Variants in OR4D2 observed in about 807,000 individuals in gnomAD.
OR4D2 encodes the protein olfactory receptor 4D2.
A neutral mutation model predicts 12.4 loss-of-function variants in OR4D2; 9 were observed. The observed-to-expected ratio is 0.73, with a 90% CI of 0.44 to 1.27. OR4D2 has a LOEUF of 1.27. OR4D2 is among the 50% of genes most tolerant of loss of function. The pLI is 0.00. For synonymous variants in OR4D2, 151 were observed against 151.1 expected, an observed-to-expected ratio of 1.00 and a Z score of 0.01; for missense variants, 373 against 381.6, an observed-to-expected ratio of 0.98 and a Z score of 0.19.
chr17:58,170,318 C>T lies in OR4D2; in HGVS notation c.663C>T (p.Ile221=). Residue 221 remains isoleucine (I), a synonymous_variant, in exon 2 of 2, where the codon ATC becomes ATT. Coordinates refer to ENST00000545221, the MANE Select transcript of OR4D2 (RefSeq NM_001004707.4). The part of the protein sequence containing the change: ...FFLLLMSYLF[I]LVMLRSHPGE... ...TCCTCCTGATGTCCTACTTATTCAT[C>T]CTGGTGATGCTGAGGTCACATCCAG... 6.2e-7 allele frequency: 1 copy of T among 1,614,186 alleles called. No individual in the cohort carries two copies. Among genetic ancestry groups the T allele is most frequent in the Non-Finnish European group, 8.5e-7 (1 of 1,180,018 alleles).
At chr17:58,168,295 C>T (rs915189334) in intron 1 of OR4D2, among the ~76,000 whole-genome samples, 3 of 152,158 alleles carry the variant, frequency 2.0e-5, no homozygotes, top group Admixed American at 2.0e-4. Flanking sequence ...CAGCCTCCAA[C>T]CAGCTTCAAG....
intron 1 of OR4D2, chr17:58,169,420 A>T (rs2143678367): frequency 3.5e-6 from 2 of 564,486 alleles, no homozygotes; most frequent in East Asian, 6.0e-5. Context: ...AATCTTTGAA[A>T]GGCAGGTTGT....
chr17:58,168,080 T>C (rs1160124770), intron 1 of OR4D2, among the ~76,000 whole-genome samples: 2 of 143,964 alleles, frequency 1.4e-5, no homozygotes, highest in Admixed American at 7.0e-5. Context: ...GAATGACCTA[T>C]AATATTGTAG....
intron 1 of OR4D2, among the ~76,000 whole-genome samples, chr17:58,167,804 G>A (rs1445643945): frequency 6.6e-6 from 1 of 151,776 alleles, no homozygotes; most frequent in African/African-American, 2.4e-5. Flanking sequence ...CACGAGGTCA[G>A]GAGATCGAGA....
rs922376882 is a variant in OR4D2 at position 58,170,454 on chromosome 17, A to G, written c.799A>G (p.Met267Val). 12 of 1,614,080 alleles carry G rather than the reference A, an allele frequency of 7.4e-6. No individual in the cohort carries two copies. Among genetic ancestry groups the G allele is most frequent in the Non-Finnish European group, 9.3e-6 (11 of 1,180,000 alleles). Reference sequence around the variant, plus strand: ...TGCCCGGCCCTTCACTCCATTCCCTATGGACAAGCTTGTGTCCATCGGCCA... The same window carrying G: ...TGCCCGGCCCTTCACTCCATTCCCTGTGGACAAGCTTGTGTCCATCGGCCA... ...LYARPFTPFP[M>V]DKLVSIGHTV... Residue 267 changes from methionine to valine, a missense_variant, in exon 2 of 2, where the codon ATG becomes GTG. By Grantham distance (21) the Met-to-Val change is conservative. Transcript: ENST00000545221.
In OR4D2 at chr17:58,170,408, C is replaced by T. The variant is rs781540142; in HGVS notation, c.753C>T (p.Phe251=). 1.1e-5 allele frequency: 18 copies of T among 1,614,084 alleles called. No individual in the cohort carries two copies. Among genetic ancestry groups the T allele is most frequent in the African/African-American group, 2.7e-5 (2 of 74,918 alleles). ...ACATCATCGTGGTTTCCATGATCTT[C>T]GTTCCAAGCATTTACCTCTATGCCC... ...TTHIIVVSMI[F]VPSIYLYARP... is the part of the protein sequence containing the mutation. Residue 251 remains phenylalanine (F), a synonymous_variant, in exon 2 of 2, where the codon TTC becomes TTT. Coordinates refer to ENST00000545221, the MANE Select transcript of OR4D2 (RefSeq NM_001004707.4).
intron 1 of OR4D2, among the ~76,000 whole-genome samples, chr17:58,169,094 T>C (rs907900290): frequency 3.3e-5 from 5 of 152,224 alleles, no homozygotes; most frequent in Non-Finnish European, 7.3e-5. Context: ...TTAAATGTCA[T>C]GTGAAAAATA....
rs774380359 is a variant in OR4D2 at position 58,170,384 on chromosome 17, CA to C, written c.730del (p.Ile244SerfsTer6). ...AGGCAGCTTCCACCTGCACCACCCA[CA>C]TCATCGTGGTTTCCATGATCTTCGT... is the stretch of plus-strand genomic sequence containing the variant. ...RKAASTCTTHIIVVSMIFVPS... is the reference protein window; with the variant it reads ...RKAASTCTTHXIVVSMIFVPS... On this transcript the variant is annotated frameshift_variant, in exon 2 of 2. Transcript: ENST00000545221. LOFTEE classifies it high-confidence loss of function. The C allele has an allele frequency of 3.7e-6, 6 of 1,614,134 alleles. No homozygotes were observed. The East Asian group carries it at 1.3e-4, about 36-fold the overall frequency.
chr17:58,168,237 C>T (rs1486419164), intron 1 of OR4D2, among the ~76,000 whole-genome samples: 3 of 151,296 alleles, frequency 2.0e-5, no homozygotes, highest in African/African-American at 4.9e-5. Flanking sequence ...GACAGAGTCT[C>T]GCTCTGTCAC....
chr17:58,170,175 T>C lies in OR4D2; in HGVS notation c.520T>C (p.Leu174=), dbSNP rs1359944059. ...ACTGCCCTTCTGTGGCCCCAACATT[T>C]TGGATAACTTCTACTGTGATGTTCC... ...LPLPFCGPNI[L]DNFYCDVPQV... is the part of the protein sequence containing the mutation. Residue 174 remains leucine (L), a synonymous_variant, in exon 2 of 2, where the codon TTG becomes CTG. Transcript: ENST00000545221. 1 of 1,614,188 alleles carries C rather than the reference T, an allele frequency of 6.2e-7. No individual in the cohort carries two copies. The highest frequency in any genetic ancestry group is 1.1e-5 in the South Asian group (1 of 91,078).
rs1319011588 is a variant in OR4D2, at chr17:58,169,795, T to A, written c.140T>A (p.Ile47Asn). The stretch of plus-strand genomic sequence containing the variant: ...GTTATGGGAAACATCCTTATCATCA[T>A]CACAGTGACCTCTGATTCCCAGCTC... Reference protein sequence around the residue: ...TTVMGNILIIITVTSDSQLHT... With the variant: ...TTVMGNILIINTVTSDSQLHT... Residue 47 changes from isoleucine (I) to asparagine (N), a missense_variant, in exon 2 of 2, where the codon ATC becomes AAC. Physicochemically the swap from Ile to Asn is moderately radical, Grantham distance 149 (BLOSUM62 -3). Transcript: ENST00000545221. 3 of 1,614,188 alleles carry A rather than the reference T, an allele frequency of 1.9e-6. No homozygotes were observed. Among genetic ancestry groups the A allele is most frequent in the Non-Finnish European group, 8.5e-7 (1 of 1,180,014 alleles).
intron 1 of OR4D2, chr17:58,169,256 A>G: frequency 8.4e-6 from 2 of 239,304 alleles, no homozygotes; most frequent in East Asian, 1.2e-4. Context: ...AATTCTACAA[A>G]GCAGGTATTT....
At chr17:58,168,132 A>G (rs1237595637) in intron 1 of OR4D2, among the ~76,000 whole-genome samples, 2 of 144,470 alleles carry the variant, frequency 1.4e-5, no homozygotes, top group Non-Finnish European at 3.0e-5. Context: ...GGTAAGAGAG[A>G]TTGAGACAGG....
chr17:58,168,755 A>G (rs1967922865), intron 1 of OR4D2, among the ~76,000 whole-genome samples: 1 of 152,140 alleles, frequency 6.6e-6, no homozygotes, highest in African/African-American at 2.4e-5. Flanking sequence ...TCTCAATCCA[A>G]TGACTCTCCC....
chr17:58,170,427 T>A lies in OR4D2; in HGVS notation c.772T>A (p.Tyr258Asn), dbSNP rs1715929578. ...SMIFVPSIYL[Y>N]ARPFTPFPMD... ...GATCTTCGTTCCAAGCATTTACCTC[T>A]ATGCCCGGCCCTTCACTCCATTCCC... The change falls in exon 2 of 2, where the codon TAT (tyrosine) becomes AAT (asparagine). Residue 258 changes from tyrosine to asparagine, a missense_variant. Coordinates refer to ENST00000545221, the MANE Select transcript of OR4D2 (RefSeq NM_001004707.4). 1.2e-6 allele frequency: 2 copies of A among 1,614,094 alleles called. No homozygotes were observed. Among genetic ancestry groups the A allele is most frequent in the African/African-American group, 2.7e-5 (2 of 74,928 alleles).
At chr17:58,169,408 T>A (rs544994139) in intron 1 of OR4D2, 3 of 548,418 alleles carry the variant, frequency 5.5e-6, no homozygotes, top group Admixed American at 3.3e-5. Flanking sequence ...CACCACTATA[T>A]GAATCTTTGA....
At chr17:58,167,136 T>C (rs1402769103) in intron 1 of OR4D2, 83 bp downstream of exon 1, 2 of 152,264 alleles carry the variant, frequency 1.3e-5, no homozygotes, top group Non-Finnish European at 2.9e-5. Context: ...TGGCAAACAT[T>C]TCTGAGCAAG....
chr17:58,168,218 A>AT (rs1296164004), intron 1 of OR4D2, among the ~76,000 whole-genome samples: 3 of 146,288 alleles, frequency 2.1e-5, no homozygotes, highest in East Asian at 4.0e-4. Flanking sequence ...TTTGTTTTTG[A>AT]TTTTTTGAGA....
chr17:58,170,597 T>G lies in OR4D2; in HGVS notation c.*18T>G. On this transcript the variant is annotated 3_prime_UTR_variant, in exon 2 of 2. Transcript: ENST00000545221. Reference sequence around the variant, plus strand: ...TGGTTTGAGAGTGACAATGGTAGGTTTCTTCTCTTTGGCTTTGTTTTCCCT... The same window carrying G: ...TGGTTTGAGAGTGACAATGGTAGGTGTCTTCTCTTTGGCTTTGTTTTCCCT... The G allele has an allele frequency of 6.3e-7, 1 of 1,597,506 alleles. No individual in the cohort carries two copies. Among genetic ancestry groups the G allele is most frequent in the Non-Finnish European group, 8.6e-7 (1 of 1,164,882 alleles).
Sources: gnomAD v4.1 joint callset for allele counts (sites outside exome capture counted in the v4.1 genomes callset) on GRCh38, gnomAD v4.1.1 for gene constraint, MANE v1.5 for transcripts, NCBI Gene and HGNC (gene_info 2026-07-23, HGNC 2026-07-21) for gene names.